The following LIMK1 variants were observed in gnomAD, a reference collection of about 807,000 sequenced individuals.
The protein encoded by LIMK1 is LIM domain kinase 1, also known as LIM motif-containing protein kinase.
LIMK1 carries 21 observed loss-of-function variants against 77.6 expected under a neutral mutation model. That is an observed-to-expected ratio of 0.27 (90% CI 0.19 to 0.39). The LOEUF (loss-of-function observed/expected upper bound fraction) is 0.39, where lower values mean the gene tolerates loss of function less well. Among genes scored for constraint, LIMK1 ranks in the 10% least tolerant of loss-of-function variants. LIMK1 has a pLI of 1.00. For synonymous variants in LIMK1, 358 were observed against 370.0 expected, an observed-to-expected ratio of 0.97 and a Z score of 0.37; for missense variants, 696 against 901.6, an observed-to-expected ratio of 0.77 and a Z score of 2.92.
chr7:74,117,414 A>G (rs1261601352), intron 13 of LIMK1, among the ~76,000 whole-genome samples: 1 of 152,102 alleles, frequency 6.6e-6, no homozygotes, highest in African/African-American at 2.4e-5. Context: ...TCCCATCTGC[A>G]GAGTCCGATG....
rs782475078 is a variant in LIMK1, at chr7:74,121,133, AC to A, written c.1782-3del. ...ACCCACCGTTCCCCACCCACCTGTC[AC>A]CCAGGCCATCCTTTGTGAAGCTGGA... On this transcript the variant is annotated splice_region_variant and splice_polypyrimidine_tract_variant and intron_variant, in intron 15 of 15. Coordinates refer to ENST00000336180, the MANE Select transcript of LIMK1 (RefSeq NM_002314.4). 1.2e-6 allele frequency: 2 copies of A among 1,611,618 alleles called. No homozygotes were observed. Among genetic ancestry groups the A allele is most frequent in the Non-Finnish European group, 1.7e-6 (2 of 1,178,578 alleles).
intron 2 of LIMK1, among the ~76,000 whole-genome samples, chr7:74,096,074 T>G (rs1240724174): frequency 6.6e-6 from 1 of 151,150 alleles, no homozygotes; most frequent in African/African-American, 2.4e-5. Flanking sequence ...AAGCGATTCT[T>G]CTGCCTCAGC....
intron 12 of LIMK1, among the ~76,000 whole-genome samples, 157 bp downstream of exon 12, chr7:74,112,155 C>T (rs533199830): frequency 1.3e-5 from 2 of 152,254 alleles, no homozygotes; most frequent in East Asian, 1.9e-4. Flanking sequence ...TGGGGAAGAG[C>T]GCAGGGTCAG....
chr7:74,101,400 C>G (rs1396225801), intron 5 of LIMK1, among the ~76,000 whole-genome samples: 1 of 152,132 alleles, frequency 6.6e-6, no homozygotes, highest in Non-Finnish European at 1.5e-5. Flanking sequence ...TCAGCCACTT[C>G]GGAGGGCTGA....
intron 1 of LIMK1, among the ~76,000 whole-genome samples, chr7:74,084,979 G>C (rs1554693861): frequency 6.6e-6 from 1 of 152,202 alleles, no homozygotes; most frequent in African/African-American, 2.4e-5. Context: ...AGAGGGTCAG[G>C]CTGTTGTGGC....
At position 74,095,968 on chromosome 7, in the gene LIMK1, C is replaced by CTTTTTTTTTTTTT. The variant is rs869065672; in HGVS notation, c.153-652_153-640dup. On this transcript the variant is annotated intron_variant, in intron 2 of 15. Coordinates refer to ENST00000336180, the MANE Select transcript of LIMK1 (RefSeq NM_002314.4). ...GGGATTCTCCTCTATTTTTCTTTTT[C>CTTTTTTTTTTTTT]TTTTTTTTTTTTTTGGAGACAGAGT... Among the ~76,000 whole-genome samples the CTTTTTTTTTTTTT allele has an allele frequency of 6.3e-3, 799 of 126,918 alleles. 28 individuals are homozygous for CTTTTTTTTTTTTT. The highest frequency in any genetic ancestry group is 0.012 in the African/African-American group (362 of 30,168). 83.3% of individuals were successfully genotyped at this position (126,918 alleles called of 152,430 possible).
At chr7:74,087,520 C>G (rs1295325754) in intron 2 of LIMK1, among the ~76,000 whole-genome samples, 2 of 152,196 alleles carry the variant, frequency 1.3e-5, no homozygotes, top group African/African-American at 2.4e-5. Context: ...GGTGAAGCTT[C>G]TGGGATGCCC....
At chr7:74,086,123 G>A (rs1799133809) in intron 2 of LIMK1, among the ~76,000 whole-genome samples, 1 of 152,060 alleles carries the variant, frequency 6.6e-6, no homozygotes, top group South Asian at 2.1e-4. Flanking sequence ...TTGGCTCATT[G>A]CAACCTCTTC....
chr7:74,088,001 A>G (rs1255752247), intron 2 of LIMK1, among the ~76,000 whole-genome samples: 1 of 151,826 alleles, frequency 6.6e-6, no homozygotes, highest in Non-Finnish European at 1.5e-5. Flanking sequence ...TCCAGCTCCA[A>G]CTGGTTCAAG....
intron 7 of LIMK1, 141 bp downstream of exon 7, chr7:74,106,384 G>A: frequency 1.2e-6 from 1 of 854,404 alleles, no homozygotes; most frequent in Admixed American, 2.5e-5. Flanking sequence ...GCAGTAAGCT[G>A]TCATCACACC....
chr7:74,093,023 C>T (rs782010703), intron 2 of LIMK1: 52 of 969,492 alleles, frequency 5.4e-5, no homozygotes, highest in Middle Eastern at 6.8e-4. Context: ...GCTCCCCACC[C>T]GCACCAAAGC....
chr7:74,096,657 A>G lies in LIMK1; in HGVS notation c.188A>G (p.Tyr63Cys), dbSNP rs1554695644. 6.2e-7 allele frequency: 1 copy of G among 1,614,078 alleles called. No individual in the cohort carries two copies. The highest frequency in any genetic ancestry group is 1.7e-5 in the Admixed American group (1 of 60,012). ...CDCSASLSHQ[Y>C]YEKDGQLFCK... ...TGCAGTGCCTCCCTGTCGCACCAGT[A>G]CTATGAGAAGGATGGGCAGCTCTTC... Residue 63 changes from tyrosine (Y) to cysteine (C), a missense_variant, in exon 3 of 16, where the codon TAC becomes TGC. Tyr to Cys is a radical substitution (Grantham distance 194). Transcript: ENST00000336180.
Position 74,109,030 on chromosome 7 carries a change from G to A in LIMK1, c.1278G>A (p.Lys426=). The part of the protein sequence containing the change: ...IKGGTLRGII[K]SMDSQYPWSQ... Reference sequence around the variant, plus strand: ...GCGGCACGCTCCGGGGCATCATCAAGAGCATGGTGAGTCCTGGGCAGAGCC... The same window carrying A: ...GCGGCACGCTCCGGGGCATCATCAAAAGCATGGTGAGTCCTGGGCAGAGCC... The change falls in exon 10 of 16, where the codon AAG becomes AAA. Residue 426 remains lysine (K), a synonymous_variant. Coordinates refer to ENST00000336180, the MANE Select transcript of LIMK1 (RefSeq NM_002314.4). 3 of 1,612,754 alleles carry A rather than the reference G, an allele frequency of 1.9e-6. No homozygotes were observed. Among genetic ancestry groups the A allele is most frequent in the Non-Finnish European group, 1.7e-6 (2 of 1,179,370 alleles).
intron 13 of LIMK1, 67 bp from the exon 14 acceptor site, chr7:74,120,516 C>T: frequency 6.4e-7 from 1 of 1,567,474 alleles, no homozygotes; most frequent in South Asian, 1.1e-5. Context: ...CTGGCCTGGT[C>T]CCCTGCCTTT....
intron 5 of LIMK1, among the ~76,000 whole-genome samples, chr7:74,103,911 C>T (rs1376819351): frequency 1.3e-5 from 2 of 152,094 alleles, no homozygotes; most frequent in Non-Finnish European, 2.9e-5. Flanking sequence ...CCTCCTGCCT[C>T]AGCCTCTCGA....
rs1376847977 is a variant in LIMK1, at chr7:74,085,777, G to A, written c.85G>A (p.Gly29Ser). The change falls in exon 2 of 16, where the codon GGC becomes AGC. Residue 29 changes from glycine to serine, a missense_variant. Transcript: ENST00000336180. The part of the protein sequence containing the change: ...GSELPVCASC[G>S]QRIYDGQYLQ... ...CGAGTTGCCCGTGTGTGCAAGCTGC[G>A]GCCAGAGGATCTATGATGGCCAGTA... The A allele has an allele frequency of 1.5e-5, 23 of 1,562,544 alleles. No homozygotes were observed. The highest frequency in any genetic ancestry group is 9.5e-5 in the East Asian group (4 of 42,008).
chr7:74,085,969 C>T, intron 2 of LIMK1, 125 bp downstream of exon 2: 2 of 652,596 alleles, frequency 3.1e-6, no homozygotes, highest in South Asian at 3.6e-5. Flanking sequence ...GACTTCGTGG[C>T]CTTAATTTAC....
chr7:74,097,041 C>A, intron 3 of LIMK1, 39 bp from the exon 4 acceptor site: 2 of 1,496,646 alleles, frequency 1.3e-6, no homozygotes, highest in South Asian at 1.2e-5. Context: ...GTTGTTGGGT[C>A]TGCTGAGCTG....
intron 1 of LIMK1, 64 bp from the exon 2 acceptor site, chr7:74,085,684 A>G: frequency 4.5e-6 from 6 of 1,338,164 alleles, no homozygotes; most frequent in Non-Finnish European, 6.3e-6. Context: ...TGGGCAGGGC[A>G]AGCTGGGCCT....
Sources: allele counts gnomAD v4.1 joint callset (sites outside exome capture counted in the v4.1 genomes callset), GRCh38; gene constraint gnomAD v4.1.1; transcripts MANE v1.5; gene names NCBI Gene and HGNC (gene_info 2026-07-23, HGNC 2026-07-21).